The following MKRN1 variants were observed in gnomAD, a reference collection of about 807,000 sequenced individuals.
MKRN1 encodes the protein makorin ring finger protein 1, also known as E3 ubiquitin-protein ligase makorin-1.
Under a neutral mutation model 55.5 loss-of-function variants are expected in MKRN1, and 9 were observed. The observed-to-expected ratio is 0.16, with a 90% CI of 0.10 to 0.28. The LOEUF is 0.28. Among genes scored for constraint, MKRN1 ranks in the 10% least tolerant of loss-of-function variants. The pLI is 1.00. For synonymous variants in MKRN1, 253 were observed against 235.9 expected, an observed-to-expected ratio of 1.07 and a Z score of -0.66; for missense variants, 488 against 626.7, an observed-to-expected ratio of 0.78 and a Z score of 2.36.
chr7:140,456,770 C>T lies in MKRN1; in HGVS notation c.868G>A (p.Glu290Lys). ...CGGCGCTCACTGGGGTTGGCTTTCT[C>T]ATAGACCACCTCCATGCAGATCCCA... Reference protein sequence around the residue: ...VCGICMEVVYEKANPSERRFG... With the variant: ...VCGICMEVVYKKANPSERRFG... Residue 290 changes from glutamate (E) to lysine (K), a missense_variant, in exon 5 of 8, where the codon GAG (glutamate) becomes AAG (lysine). Around this residue, in one of 2 missense-constraint regions of MKRN1, gnomAD observed 278 missense variants for 406.7 expected, o/e 0.68. Transcript: ENST00000255977. The T allele has an allele frequency of 6.2e-7, 1 of 1,614,030 alleles. No individual in the cohort carries two copies. The highest frequency in any genetic ancestry group is 1.3e-5 in the African/African-American group (1 of 75,026).
At chr7:140,474,804 T>C (rs1413430229) in intron 1 of MKRN1, among the ~76,000 whole-genome samples, 1 of 151,598 alleles carries the variant, frequency 6.6e-6, no homozygotes, top group East Asian at 2.0e-4. Context: ...CTGCAGCCTC[T>C]GCCTCTTGGG....
chr7:140,466,810 CAAA>C (rs563645827), intron 2 of MKRN1, among the ~76,000 whole-genome samples: 888 of 87,088 alleles, frequency 0.01, 2 homozygotes, highest in African/African-American at 0.042. Context: ...GACTCCGTCT[CAAA>C]AAAAAAAAAA....
chr7:140,457,210 G>C (rs747290317), intron 4 of MKRN1, among the ~76,000 whole-genome samples: 17 of 152,086 alleles, frequency 1.1e-4, no homozygotes, highest in Admixed American at 3.9e-4. Flanking sequence ...TCTACATGAG[G>C]TTAAGACCCT....
chr7:140,464,710 AAAC>A (rs1264729966), intron 2 of MKRN1, among the ~76,000 whole-genome samples: 1 of 152,156 alleles, frequency 6.6e-6, no homozygotes, highest in African/African-American at 2.4e-5. Flanking sequence ...AGTCTCAAAA[AAAC>A]AAACAAACAA....
intron 4 of MKRN1, 150 bp from the exon 5 acceptor site, chr7:140,457,016 G>A: frequency 1.3e-6 from 1 of 748,328 alleles, no homozygotes; most frequent in Non-Finnish European, 2.1e-6. Flanking sequence ...TTGCTGACAA[G>A]TAAACACAGG....
chr7:140,456,012 T>C lies in MKRN1; in HGVS notation c.987-112A>G, dbSNP rs1794456696. 4 of 1,067,594 alleles carry C rather than the reference T, an allele frequency of 3.7e-6. No individual in the cohort carries two copies. In the African/African-American group the frequency reaches 4.7e-5, roughly 13 times the overall value. The allele number at this position is 1,067,594 out of a possible 1,614,324, so 66.1% of individuals were successfully genotyped here. A position where few individuals can be genotyped will look rare whatever the true frequency, so the allele number is the denominator to read the frequency against. On this transcript the variant is annotated intron_variant, in intron 5 of 7. Transcript: ENST00000255977. ...CTTAAAGACTTAACTGAAAGGCACGTGGGCATTTCCTGAAAGGGTTCCACA... is the reference window on the plus strand; with the variant it reads ...CTTAAAGACTTAACTGAAAGGCACGCGGGCATTTCCTGAAAGGGTTCCACA...
chr7:140,456,945 G>T, intron 4 of MKRN1, 79 bp from the exon 5 acceptor site: 1 of 1,362,760 alleles, frequency 7.3e-7, no homozygotes, highest in Non-Finnish European at 1.0e-6. Flanking sequence ...ATGATTCACA[G>T]TCAAAGAATC....
At chr7:140,458,393 T>C (rs1794526588) in intron 4 of MKRN1, among the ~76,000 whole-genome samples, 1 of 152,056 alleles carries the variant, frequency 6.6e-6, no homozygotes, top group Non-Finnish European at 1.5e-5. Context: ...GTGAAAGAAG[T>C]GAAGTCAATC....
In MKRN1 at chr7:140,466,810, CAAAAAAAAAAAAAAAA is replaced by C. The variant is rs563645827; in HGVS notation, c.314+5057_314+5072del. 5.6e-3 allele frequency among the ~76,000 whole-genome samples: 486 copies of C among 87,214 alleles called. 4 individuals carry two copies. Among genetic ancestry groups the C allele is most frequent in the African/African-American group, 0.024 (463 of 19,576 alleles). The allele number at this position is 87,214 out of a possible 152,430, so 57.2% of individuals were successfully genotyped here. On this transcript the variant is annotated intron_variant, in intron 2 of 7. Transcript: ENST00000255977. ...TGGGCGACAGAGCGAGACTCCGTCT[CAAAAAAAAAAAAAAAA>C]AAAAAAAGAATAAAAAAACTTAGCT...
intron 5 of MKRN1, chr7:140,456,421 A>G: frequency 7.3e-7 from 1 of 1,367,608 alleles, no homozygotes; most frequent in Non-Finnish European, 9.4e-7. Flanking sequence ...CCTCAGAAAA[A>G]GCACGAAGAT....
chr7:140,462,583 C>G (rs1298220179), intron 2 of MKRN1, among the ~76,000 whole-genome samples: 2 of 152,128 alleles, frequency 1.3e-5, no homozygotes, highest in East Asian at 3.9e-4. Flanking sequence ...TTCTAGCACT[C>G]TGGGAGGCTG....
chr7:140,479,206 C>A lies in MKRN1; in HGVS notation c.139G>T (p.Gly47Cys). The change falls in exon 1 of 8, where the codon GGC (glycine) becomes TGC (cysteine). Residue 47 changes from glycine to cysteine, a missense_variant. This residue lies in a region of MKRN1 where 210 missense variants were observed against 220.0 expected (regional missense o/e 0.95). Coordinates refer to ENST00000255977, the MANE Select transcript of MKRN1 (RefSeq NM_013446.4). ...CAGCCGCCGCCGCTGCCGTCGCTGC[C>A]GCCGCCCCCTCCGCCCGCCCCCAGG... ...PSLGAGGGGG[G>C]SDGSGGGWTK... 1 of 1,465,582 alleles carries A rather than the reference C, an allele frequency of 6.8e-7. No individual in the cohort carries two copies. The highest frequency in any genetic ancestry group is 1.5e-5 in the African/African-American group (1 of 67,596). The allele number at this position is 1,465,582 out of a possible 1,614,324, so 90.8% of individuals were successfully genotyped here.
intron 2 of MKRN1, among the ~76,000 whole-genome samples, chr7:140,469,367 C>T (rs1403766142): frequency 2.0e-5 from 3 of 151,870 alleles, no homozygotes; most frequent in Non-Finnish European, 2.9e-5. Flanking sequence ...AAAGTCTTAC[C>T]GAGGGTAGTG....
Position 140,459,204 on chromosome 7 carries a change from G to GCAGGGGTGC in MKRN1, c.565_573dup (p.Ala189_Leu191dup). ...GATTCTTCCTTGGTCACTGAGCCCT[G>GCAGGGGTGC]CAGGGGTGCTTCAGTGCAGGAAGGC... On this transcript the variant is annotated inframe_insertion, in exon 4 of 8. Transcript: ENST00000255977. The GCAGGGGTGC allele has an allele frequency of 6.2e-7, 1 of 1,613,962 alleles. No individual in the cohort carries two copies. The highest frequency in any genetic ancestry group is 8.5e-7 in the Non-Finnish European group (1 of 1,179,856).
intron 1 of MKRN1, chr7:140,473,105 AAAG>A (rs1380013802): frequency 2.9e-6 from 1 of 342,820 alleles, no homozygotes; most frequent in African/African-American, 2.2e-5. Flanking sequence ...TCAAAAAGAA[AAAG>A]AAAAAGAAAA....
At position 140,479,176 on chromosome 7, in the gene MKRN1, T is replaced by C. The variant is rs1312373651; in HGVS notation, c.169A>G (p.Lys57Glu). 1.4e-6 allele frequency: 2 copies of C among 1,455,850 alleles called. No individual in the cohort carries two copies. Among genetic ancestry groups the C allele is most frequent in the African/African-American group, 1.5e-5 (1 of 67,240 alleles). The allele number at this position is 1,455,850 out of a possible 1,614,324, so 90.2% of individuals were successfully genotyped here. A position where few individuals can be genotyped will look rare whatever the true frequency, so the allele number is the denominator to read the frequency against. Residue 57 changes from lysine (K) to glutamate (E), a missense_variant, in exon 1 of 8, where the codon AAA becomes GAA. Around this residue, in one of 2 missense-constraint regions of MKRN1, gnomAD observed 210 missense variants for 220.0 expected, o/e 0.95. Coordinates refer to ENST00000255977, the MANE Select transcript of MKRN1 (RefSeq NM_013446.4). ...ACGTCCTACCTGCAGGTGACCTGTT[T>C]AGTCCAGCCGCCGCCGCTGCCGTCG... ...GSDGSGGGWT[K>E]QVTCRYFMHG...
chr7:140,457,634 G>GCTGCAGTGAGCCGAGA (rs1163805195), intron 4 of MKRN1, among the ~76,000 whole-genome samples: 1 of 151,862 alleles, frequency 6.6e-6, no homozygotes, highest in Non-Finnish European at 1.5e-5. Flanking sequence ...GGAGGCAGAG[G>GCTGCAGTGAGCCGAGA]CTGCAGTGAG....
intron 1 of MKRN1, among the ~76,000 whole-genome samples, chr7:140,476,242 C>A (rs1321280864): frequency 6.6e-6 from 1 of 152,100 alleles, no homozygotes; most frequent in Non-Finnish European, 1.5e-5. Flanking sequence ...CATACATCTG[C>A]ACTCTCTTGA....
At position 140,459,036 on chromosome 7, in the gene MKRN1, C is replaced by G; in HGVS notation, c.742G>C (p.Asp248His). The G allele has an allele frequency of 6.2e-7, 1 of 1,614,006 alleles. No individual in the cohort carries two copies. Among genetic ancestry groups the G allele is most frequent in the Non-Finnish European group, 8.5e-7 (1 of 1,179,878 alleles). Residue 248 changes from aspartate to histidine, a missense_variant, in exon 4 of 8, where the codon GAT becomes CAT. By Grantham distance (81) the Asp-to-His change is moderately conservative. Coordinates refer to ENST00000255977, the MANE Select transcript of MKRN1 (RefSeq NM_013446.4). Reference sequence around the variant, plus strand: ...ATATGCTGCGATCTCTGGGCAGCATCCATTGGATGCAGGACCTGCAGCCCA... The same window carrying G: ...ATATGCTGCGATCTCTGGGCAGCATGCATTGGATGCAGGACCTGCAGCCCA... ...MCGLQVLHPM[D>H]AAQRSQHIKS...
Sources: gnomAD v4.1 joint callset for allele counts (sites outside exome capture counted in the v4.1 genomes callset) on GRCh38, gnomAD v4.1.1 for gene constraint, gnomAD v4.1.1 regional missense constraint, MANE v1.5 for transcripts, NCBI Gene and HGNC (gene_info 2026-07-23, HGNC 2026-07-21) for gene names.